The following NPHP3 variants were observed in gnomAD, a reference collection of about 807,000 sequenced individuals.
The protein encoded by NPHP3 is nephrocystin-3.
A neutral mutation model predicts 171.9 loss-of-function variants in NPHP3; 123 were observed. The ratio of observed to expected loss-of-function variants is 0.72; its 90% confidence interval spans 0.62 to 0.83. The LOEUF is 0.83. NPHP3 is among the 40% of genes least tolerant of loss of function. NPHP3 has a pLI of 0.00. For synonymous variants in NPHP3, 558 were observed against 579.2 expected (o/e 0.96, Z 0.52); for missense variants, 1,506 against 1,591.9 (o/e 0.95, Z 0.92).
chr3:132,719,675 G>T (rs781499108), intron 2 of NPHP3, 30 bp downstream of exon 2: 4 of 1,460,004 alleles, frequency 2.7e-6, no homozygotes, highest in East Asian at 2.4e-5. Flanking sequence ...ATTCTATGTT[G>T]CTTTGGGGGT....
At chr3:132,700,960 G>A (rs1388325089) in intron 10 of NPHP3, among the ~76,000 whole-genome samples, 1 of 151,998 alleles carries the variant, frequency 6.6e-6, no homozygotes, top group Admixed American at 6.6e-5. Flanking sequence ...ATAATTTGAA[G>A]AACTAGATTG....
chr3:132,701,310 T>G (rs1423586362), intron 10 of NPHP3, 120 bp downstream of exon 10: 1 of 704,920 alleles, frequency 1.4e-6, no homozygotes, highest in East Asian at 2.8e-5. Flanking sequence ...GTTTTATTCC[T>G]TTTTACTTTG....
In NPHP3 at chr3:132,701,436, G is replaced by A. The variant is rs1471299248; in HGVS notation, c.1622C>T (p.Ser541Leu). Residue 541 changes from serine (S) to leucine (L), a missense_variant, in exon 10 of 27, where the codon TCA (serine) becomes TTA (leucine). This residue lies in a region of NPHP3 where 930 missense variants were observed against 924.9 expected (regional missense o/e 1.01). Coordinates refer to ENST00000337331, the MANE Select transcript of NPHP3 (RefSeq NM_153240.5). The part of the protein sequence containing the change: ...GPGSGKSLLL[S>L]KWIQLQQKNS... Reference sequence around the variant, plus strand: ...TAATTGCACTGCATCATACCACTTTGATAAAAGAAGAGACTTCCCAGAACC... The same window carrying A: ...TAATTGCACTGCATCATACCACTTTAATAAAAGAAGAGACTTCCCAGAACC... 1 of 1,600,134 alleles carries A rather than the reference G, an allele frequency of 6.2e-7. No individual in the cohort carries two copies. Among genetic ancestry groups the A allele is most frequent in the Non-Finnish European group, 8.6e-7 (1 of 1,167,416 alleles).
intron 15 of NPHP3, 138 bp downstream of exon 15, chr3:132,696,593 G>C: frequency 1.3e-6 from 1 of 766,000 alleles, no homozygotes. Context: ...TCTCACAAAT[G>C]TTAGTATCAC....
At chr3:132,695,915 C>A (rs929971583) in intron 15 of NPHP3, among the ~76,000 whole-genome samples, 3 of 152,112 alleles carry the variant, frequency 2.0e-5, no homozygotes, top group African/African-American at 7.2e-5. Context: ...GCCTGGGCAA[C>A]AGAGAGTGAG....
intron 16 of NPHP3, 70 bp from the exon 17 acceptor site, chr3:132,692,888 C>T (rs912819989): frequency 7.8e-7 from 1 of 1,281,548 alleles, no homozygotes; most frequent in Admixed American, 1.8e-5. Flanking sequence ...ATTAAAAGTT[C>T]CATAATTCTT....
intron 6 of NPHP3, among the ~76,000 whole-genome samples, chr3:132,711,189 C>T (rs1351852359): frequency 6.6e-6 from 1 of 152,164 alleles, no homozygotes; most frequent in East Asian, 1.9e-4. Context: ...AAATCTGAAA[C>T]AAAGGCTCCA....
intron 15 of NPHP3, 96 bp downstream of exon 15, chr3:132,696,635 C>T (rs2107976577): frequency 9.6e-7 from 1 of 1,042,330 alleles, no homozygotes; most frequent in South Asian, 1.3e-5. Flanking sequence ...GCTCAACAGA[C>T]TGGTGTAGTG....
chr3:132,684,599 AG>A lies in NPHP3; in HGVS notation c.3524del (p.Ser1175PhefsTer6). The A allele has an allele frequency of 6.2e-7, 1 of 1,614,070 alleles. No homozygotes were observed. The highest frequency in any genetic ancestry group is 8.5e-7 in the Non-Finnish European group (1 of 1,179,910). ...RRRALAPDHP[S>X]LAYTVKHLAI... ...CAAGATGCTTCACCGTATATGCCAA[AG>A]AAGGGTGATCAGGAGCTAATGCACG... On this transcript the variant is annotated frameshift_variant, in exon 24 of 27. Coordinates refer to ENST00000337331, the MANE Select transcript of NPHP3 (RefSeq NM_153240.5). LOFTEE classifies it high-confidence loss of function.
intron 10 of NPHP3, among the ~76,000 whole-genome samples, chr3:132,700,865 TGAAA>T (rs949370510): frequency 6.6e-6 from 1 of 152,108 alleles, no homozygotes; most frequent in Non-Finnish European, 1.5e-5. Flanking sequence ...TAAATAATTA[TGAAA>T]GAAAGAAAAT....
chr3:132,700,581 A>G, intron 10 of NPHP3, 133 bp from the exon 11 acceptor site: 1 of 568,922 alleles, frequency 1.8e-6, no homozygotes, highest in Non-Finnish European at 3.1e-6. Context: ...TTTTAAATAA[A>G]TATGGAGATT....
At chr3:132,711,232 C>T (rs1939900990) in intron 6 of NPHP3, among the ~76,000 whole-genome samples, 1 of 152,148 alleles carries the variant, frequency 6.6e-6, no homozygotes. Context: ...AGCCCATCCC[C>T]ACTGCCATAC....
intron 21 of NPHP3, among the ~76,000 whole-genome samples, chr3:132,687,627 TAAC>T (rs1406139472): frequency 3.3e-5 from 5 of 152,330 alleles, no homozygotes; most frequent in Non-Finnish European, 5.9e-5. Context: ...AATTTTTAAT[TAAC>T]AACTTTTTCT....
intron 6 of NPHP3, 66 bp from the exon 7 acceptor site, chr3:132,708,323 C>T: frequency 6.8e-7 from 1 of 1,475,324 alleles, no homozygotes; most frequent in Non-Finnish European, 9.4e-7. Flanking sequence ...AGTTAATCAA[C>T]CTAAGTGCCA....
intron 9 of NPHP3, among the ~76,000 whole-genome samples, chr3:132,701,794 G>A (rs201119652): frequency 4.6e-5 from 7 of 152,254 alleles, no homozygotes; most frequent in African/African-American, 7.2e-5. Context: ...AGGCTGAGGC[G>A]GGTGGATCAT....
At chr3:132,682,326 G>C in intron 26 of NPHP3, 1 of 572,248 alleles carries the variant, frequency 1.7e-6, no homozygotes, top group South Asian at 2.1e-5. Context: ...AATAGAGGCA[G>C]TGAAATTGCT....
intron 1 of NPHP3, chr3:132,721,625 C>T: frequency 2.3e-6 from 1 of 438,098 alleles, no homozygotes; most frequent in East Asian, 5.1e-5. Flanking sequence ...CTAGGTGCCT[C>T]AATGAATAAA....
intron 25 of NPHP3, 66 bp from the exon 26 acceptor site, chr3:132,682,884 GCTAAC>G (rs1232970581): frequency 5.2e-6 from 5 of 965,752 alleles, no homozygotes; most frequent in Non-Finnish European, 8.5e-6. Flanking sequence ...TCTAGACTAA[GCTAAC>G]CTACTTTGAT....
chr3:132,687,330 T>C, intron 21 of NPHP3, 104 bp from the exon 22 acceptor site: 1 of 616,278 alleles, frequency 1.6e-6, no homozygotes, highest in Non-Finnish European at 2.9e-6. Context: ...TTTGGGCTAT[T>C]AAATACAGCA....
Sources: gnomAD v4.1 joint callset for allele counts (sites outside exome capture counted in the v4.1 genomes callset) on GRCh38, gnomAD v4.1.1 for gene constraint, gnomAD v4.1.1 regional missense constraint, MANE v1.5 for transcripts, NCBI Gene and HGNC (gene_info 2026-07-23, HGNC 2026-07-21) for gene names.